OCA2: variants seen among roughly 807,000 people sequenced by gnomAD.
OCA2 encodes the protein P protein.
OCA2 carries 77 observed loss-of-function variants against 100.2 expected under a neutral mutation model. The ratio of observed to expected loss-of-function variants is 0.77; its 90% CI spans 0.64 to 0.93. OCA2 has a LOEUF of 0.93. OCA2 is among the 40% of genes least tolerant of loss of function. The pLI is 0.00. For synonymous variants in OCA2, 432 were observed against 439.2 expected, an observed-to-expected ratio of 0.98 and a Z score of 0.21; for missense variants, 1,062 against 1,089.1, an observed-to-expected ratio of 0.98 and a Z score of 0.35.
intron 19 of OCA2, among the ~76,000 whole-genome samples, chr15:27,874,262 G>A (rs1469851409): frequency 2.0e-5 from 3 of 152,228 alleles, no homozygotes; most frequent in African/African-American, 7.2e-5. Context: ...GTCTAGGAGC[G>A]GCAAGACTTG....
At chr15:27,918,193 A>C (rs1263426841) in intron 19 of OCA2, among the ~76,000 whole-genome samples, 3 of 149,432 alleles carry the variant, frequency 2.0e-5, no homozygotes, top group Non-Finnish European at 4.4e-5. Flanking sequence ...TCCTGGATTC[A>C]AGTGATTCTC....
chr15:28,020,983 C>G (rs1001559615), intron 6 of OCA2, among the ~76,000 whole-genome samples: 1 of 152,184 alleles, frequency 6.6e-6, no homozygotes, highest in Non-Finnish European at 1.5e-5. Context: ...ACTACAAAAA[C>G]CAAGACTATG....
Position 28,014,800 on chromosome 15 carries a change from G to A in OCA2, c.1020C>T (p.Gly340=), listed in dbSNP as rs74695474. 1.6e-4 allele frequency: 256 copies of A among 1,613,832 alleles called. 1 individual carries two copies. In the African/African-American group the frequency reaches 2.7e-3, roughly 17 times the overall value. ...QVTIATAILA[G]VYALIIFEIV... is the part of the protein sequence containing the mutation. ...CCTCAAATATGATCAGCGCGTAGAC[G>A]CCCGCGAGGATGGCCGTCGCGATGG... is the stretch of plus-strand genomic sequence containing the variant. Residue 340 remains glycine (G), a synonymous_variant, in exon 9 of 24, where the codon GGC becomes GGT. Coordinates refer to ENST00000354638, the MANE Select transcript of OCA2 (RefSeq NM_000275.3).
At chr15:27,964,584 T>A (rs114810931) in intron 15 of OCA2, among the ~76,000 whole-genome samples, 6 of 152,054 alleles carry the variant, frequency 3.9e-5, no homozygotes, top group Admixed American at 2.0e-4. Flanking sequence ...TGCCAGTCCA[T>A]TGGGGAGGGG....
chr15:27,723,247 AC>A, the OCA2 span, among the ~76,000 whole-genome samples: 1 of 152,152 alleles, frequency 6.6e-6, no homozygotes, highest in South Asian at 2.1e-4. Flanking sequence ...AAGAGCAGGA[AC>A]TTTTTTTTCC....
intron 23 of OCA2, among the ~76,000 whole-genome samples, chr15:27,803,557 T>G: frequency 6.6e-6 from 1 of 152,140 alleles, no homozygotes. Context: ...CAGAACAGAA[T>G]AGTGGTTATC....
intron 14 of OCA2, among the ~76,000 whole-genome samples, chr15:27,970,466 C>T (rs999100896): frequency 1.3e-5 from 2 of 152,164 alleles, no homozygotes; most frequent in East Asian, 3.9e-4. Context: ...GCAGGAAAAA[C>T]GCCCCAGCAG....
chr15:28,056,652 T>C lies in OCA2; in HGVS notation c.228-24489A>G, dbSNP rs187479468. ...GCAGTGGACATGTGTGTGTGGAGGA[T>C]GGCAGTGTGGCTCCCAGGTGACACC... On this transcript the variant is annotated intron_variant, in intron 2 of 23. Coordinates refer to ENST00000354638, the MANE Select transcript of OCA2 (RefSeq NM_000275.3). 4.8e-3 allele frequency among the ~76,000 whole-genome samples: 732 copies of C among 152,368 alleles called. 5 individuals carry two copies. Among genetic ancestry groups the C allele is most frequent in the African/African-American group, 0.015 (631 of 41,590 alleles).
At chr15:27,944,677 C>G (rs2039770739) in intron 18 of OCA2, among the ~76,000 whole-genome samples, 2 of 152,140 alleles carry the variant, frequency 1.3e-5, no homozygotes, top group Admixed American at 6.5e-5. Flanking sequence ...TTTCCCACAC[C>G]CCTATGATTT....
intron 23 of OCA2, among the ~76,000 whole-genome samples, chr15:27,791,131 T>A (rs752116342): frequency 2.0e-5 from 3 of 152,044 alleles, no homozygotes; most frequent in Non-Finnish European, 4.4e-5. Flanking sequence ...GGAATTTTTG[T>A]CATCATACCA....
chr15:28,019,096 CAG>C (rs1192784633), intron 6 of OCA2, among the ~76,000 whole-genome samples: 3 of 152,062 alleles, frequency 2.0e-5, no homozygotes, highest in East Asian at 1.9e-4. Flanking sequence ...GGTGGGGAAA[CAG>C]TGTTTTCTCC....
rs78998108 is a variant in OCA2, at chr15:28,019,166, G to A, written c.647-609C>T. On this transcript the variant is annotated intron_variant, in intron 6 of 23. Transcript: ENST00000354638. Reference sequence around the variant, plus strand: ...CTCTGAGAGCCCAGGATGCAGCGCTGGGTGTGATACAAAATGCATCACATG... The same window carrying A: ...CTCTGAGAGCCCAGGATGCAGCGCTAGGTGTGATACAAAATGCATCACATG... 4.6e-3 allele frequency among the ~76,000 whole-genome samples: 705 copies of A among 152,094 alleles called. 10 individuals carry two copies. The highest frequency in any genetic ancestry group is 0.016 in the African/African-American group (676 of 41,452).
chr15:27,914,975 TACAGTTA>T (rs2038608945), intron 19 of OCA2, among the ~76,000 whole-genome samples: 1 of 152,074 alleles, frequency 6.6e-6, no homozygotes, highest in South Asian at 2.1e-4. Flanking sequence ...ACTACATGAC[TACAGTTA>T]ACCAAAACAT....
chr15:27,784,879 CAGAA>C (rs1321731973), intron 23 of OCA2, among the ~76,000 whole-genome samples: 1 of 110,308 alleles, frequency 9.1e-6, no homozygotes, highest in African/African-American at 4.4e-5. Flanking sequence ...ATCTAAGAAG[CAGAA>C]AGAGAGAGAC....
At chr15:28,005,701 T>C in intron 9 of OCA2, among the ~76,000 whole-genome samples, 1 of 152,194 alleles carries the variant, frequency 6.6e-6, no homozygotes, top group East Asian at 1.9e-4. Flanking sequence ...CTCACCCAGA[T>C]AGTCTCTACA....
At chr15:27,876,855 G>C (rs956105362) in intron 19 of OCA2, among the ~76,000 whole-genome samples, 1 of 151,748 alleles carries the variant, frequency 6.6e-6, no homozygotes, top group Non-Finnish European at 1.5e-5. Flanking sequence ...TTTTGGCTTA[G>C]TAGGTTTTTT....
At position 27,957,793 on chromosome 15, in the gene OCA2, C is replaced by T; in HGVS notation, c.1637-58G>A. 6.3e-7 allele frequency: 1 copy of T among 1,596,498 alleles called. No individual in the cohort carries two copies. Among genetic ancestry groups the T allele is most frequent in the Non-Finnish European group, 8.6e-7 (1 of 1,166,924 alleles). ...CCATGACCTCAGATATCAGCAACAC[C>T]CTCCTCTGTTCCCCACACAGTCGAT... On this transcript the variant is annotated intron_variant, in intron 15 of 23. Transcript: ENST00000354638. The surrounding 1 kb of genome is among the most constrained non-coding windows in gnomAD (Gnocchi z 4.3).
chr15:27,942,047 G>A (rs1345362176), intron 18 of OCA2, among the ~76,000 whole-genome samples: 1 of 152,008 alleles, frequency 6.6e-6, no homozygotes, highest in East Asian at 1.9e-4. Context: ...GAACGCTCAT[G>A]CATTACCACC....
intron 19 of OCA2, among the ~76,000 whole-genome samples, chr15:27,874,659 A>G (rs1194473418): frequency 6.6e-6 from 1 of 152,222 alleles, no homozygotes; most frequent in East Asian, 1.9e-4. Context: ...TAAAGAAATT[A>G]GGGGTTGAAG....
Sources: gnomAD v4.1 joint callset for allele counts (sites outside exome capture counted in the v4.1 genomes callset) on GRCh38, gnomAD v4.1.1 for gene constraint, Gnocchi (gnomAD v3.1) non-coding constraint, MANE v1.5 for transcripts, NCBI Gene and HGNC (gene_info 2026-07-23, HGNC 2026-07-21) for gene names.